Variants in CNTN4 observed in about 807,000 individuals in gnomAD.
CNTN4 encodes contactin-4.
In CNTN4, 77 loss-of-function variants were observed where a neutral mutation model predicts 122.5. The ratio of observed to expected loss-of-function variants is 0.63; its 90% confidence interval spans 0.52 to 0.76. The LOEUF (loss-of-function observed/expected upper bound fraction) is 0.76. Among genes scored for constraint, CNTN4 ranks in the 30% least tolerant of loss-of-function variants. The pLI is 0.00. For synonymous variants in CNTN4, 512 were observed against 447.0 expected, an observed-to-expected ratio of 1.15 and a Z score of -1.83; for missense variants, 1,256 against 1,259.1, an observed-to-expected ratio of 1.00 and a Z score of 0.04.
chr3:2,766,410 A>G (rs1353715003), intron 6 of CNTN4, among the ~76,000 whole-genome samples: 1 of 152,226 alleles, frequency 6.6e-6, no homozygotes, highest in East Asian at 1.9e-4. Context: ...ATACCACTCA[A>G]CCATAAAAAG....
intron 13 of CNTN4, among the ~76,000 whole-genome samples, chr3:2,944,073 G>T (rs2094647073): frequency 1.3e-5 from 2 of 151,712 alleles, no homozygotes; most frequent in Non-Finnish European, 2.9e-5. Context: ...TTCCTCAGTA[G>T]CTCTAATAAC....
At chr3:2,661,887 G>A (rs1161625225) in intron 4 of CNTN4, among the ~76,000 whole-genome samples, 11 of 149,706 alleles carry the variant, frequency 7.3e-5, no homozygotes, top group Non-Finnish European at 1.2e-4. Context: ...AAGAATACCC[G>A]TAATAAATGT....
intron 2 of CNTN4, among the ~76,000 whole-genome samples, chr3:2,139,891 G>T (rs1042420395): frequency 5.9e-5 from 9 of 152,244 alleles, no homozygotes; most frequent in African/African-American, 9.6e-5. Flanking sequence ...GATACGGTTT[G>T]TCTGTGTACC....
chr3:2,205,850 TAAAATGGTGTA>T, intron 2 of CNTN4, among the ~76,000 whole-genome samples: 1 of 152,084 alleles, frequency 6.6e-6, no homozygotes, highest in Non-Finnish European at 1.5e-5. Flanking sequence ...AATGAGTGGA[TAAAATGGTGTA>T]TCCTATGAAA....
At chr3:2,907,843 A>G (rs2094254455) in intron 12 of CNTN4, among the ~76,000 whole-genome samples, 1 of 152,212 alleles carries the variant, frequency 6.6e-6, no homozygotes, top group South Asian at 2.1e-4. Context: ...TAAATAATTA[A>G]TCTGTGTGCT....
At chr3:2,121,843 C>T (rs1336699562) in intron 2 of CNTN4, among the ~76,000 whole-genome samples, 1 of 152,042 alleles carries the variant, frequency 6.6e-6, no homozygotes, top group Non-Finnish European at 1.5e-5. Context: ...AGTGTCTGAA[C>T]TTTCCATTTC....
At chr3:2,351,127 G>T (rs915865687) in intron 3 of CNTN4, among the ~76,000 whole-genome samples, 1 of 152,046 alleles carries the variant, frequency 6.6e-6, no homozygotes, top group Non-Finnish European at 1.5e-5. Context: ...CAAAGGTCAG[G>T]GTCTAAATAT....
intron 7 of CNTN4, among the ~76,000 whole-genome samples, chr3:2,820,943 A>G (rs1339672227): frequency 2.3e-5 from 3 of 130,920 alleles, no homozygotes; most frequent in South Asian, 2.4e-4. Flanking sequence ...TTTTTCTCAC[A>G]TGCAACATTT....
chr3:2,933,445 G>A (rs1324660066), intron 13 of CNTN4, among the ~76,000 whole-genome samples: 2 of 152,254 alleles, frequency 1.3e-5, no homozygotes, highest in East Asian at 1.9e-4. Flanking sequence ...TGGGAACCTG[G>A]CTTATGGGTG....
chr3:2,470,751 C>G (rs781449401), intron 3 of CNTN4, among the ~76,000 whole-genome samples: 4 of 152,162 alleles, frequency 2.6e-5, no homozygotes, highest in African/African-American at 4.8e-5. Flanking sequence ...CCTGGCCTGC[C>G]TCTCGTTTTA....
intron 2 of CNTN4, among the ~76,000 whole-genome samples, chr3:2,294,604 C>G (rs2042241397): frequency 6.6e-6 from 1 of 152,100 alleles, no homozygotes; most frequent in Non-Finnish European, 1.5e-5. Flanking sequence ...GCACCACAGC[C>G]TGGGTGACAG....
At chr3:2,878,553 C>CTCTGTGTGTG (rs930160038) in intron 8 of CNTN4, among the ~76,000 whole-genome samples, 2 of 146,844 alleles carry the variant, frequency 1.4e-5, no homozygotes, top group African/African-American at 2.5e-5. Flanking sequence ...GAGATGCTCT[C>CTCTGTGTGTG]TGTGTGTGTG....
intron 3 of CNTN4, among the ~76,000 whole-genome samples, chr3:2,479,593 T>G (rs994656507): frequency 6.6e-6 from 1 of 152,206 alleles, no homozygotes; most frequent in African/African-American, 2.4e-5. Context: ...TGTAACCCCA[T>G]AGTACTCAAC....
intron 5 of CNTN4, among the ~76,000 whole-genome samples, chr3:2,737,800 A>G (rs931138546): frequency 6.6e-6 from 1 of 152,236 alleles, no homozygotes; most frequent in Non-Finnish European, 1.5e-5. Flanking sequence ...AACCTGGGAT[A>G]CAAGGGCTAC....
intron 2 of CNTN4, among the ~76,000 whole-genome samples, chr3:2,128,395 T>C (rs930469888): frequency 1.3e-5 from 2 of 152,196 alleles, no homozygotes; most frequent in Non-Finnish European, 2.9e-5. Flanking sequence ...AACCTCACCA[T>C]AGCAAGAATT....
intron 14 of CNTN4, among the ~76,000 whole-genome samples, chr3:3,017,833 A>T (rs1697909930): frequency 6.6e-6 from 1 of 152,248 alleles, no homozygotes; most frequent in Non-Finnish European, 1.5e-5. Flanking sequence ...TGCCACCATA[A>T]GAGACAATCA....
Position 2,757,348 on chromosome 3 carries a change from T to C in CNTN4, c.358+11651T>C, listed in dbSNP as rs576500050. On this transcript the variant is annotated intron_variant, in intron 6 of 24. Transcript: ENST00000418658. ...TTCTCCATAGGGCAATGATTTGAAG[T>C]GATGCGGAGTAGTTTGTTGGCCCTG... is the stretch of plus-strand genomic sequence containing the variant. Among the ~76,000 whole-genome samples the C allele has an allele frequency of 7.9e-5, 12 of 152,300 alleles. No individual in the cohort carries two copies. In the South Asian group the frequency reaches 2.1e-3, roughly 26 times the overall value.
intron 13 of CNTN4, among the ~76,000 whole-genome samples, chr3:2,930,899 C>G (rs796480325): frequency 2.0e-5 from 3 of 152,190 alleles, no homozygotes; most frequent in African/African-American, 7.2e-5. Flanking sequence ...AATTTTTCAA[C>G]AATCCTGAGG....
At chr3:2,120,405 A>ATATATTTT (rs1428527983) in intron 2 of CNTN4, among the ~76,000 whole-genome samples, 2 of 40,876 alleles carry the variant, frequency 4.9e-5, no homozygotes, top group Admixed American at 3.2e-4. Context: ...ATATATATAT[A>ATATATTTT]TTTTTTTTTT....
Sources: gnomAD v4.1 joint callset for allele counts (sites outside exome capture counted in the v4.1 genomes callset) on GRCh38, gnomAD v4.1.1 for gene constraint, MANE v1.5 for transcripts, NCBI Gene and HGNC (gene_info 2026-07-23, HGNC 2026-07-21) for gene names.